PTPRT: variants seen among roughly 807,000 people sequenced by gnomAD.
PTPRT encodes the protein receptor-type tyrosine-protein phosphatase T.
In PTPRT, 56 loss-of-function variants were observed where a neutral mutation model predicts 176.8. The observed-to-expected ratio is 0.32, with a 90% CI of 0.26 to 0.40. PTPRT has a LOEUF of 0.40. PTPRT is among the 10% of genes least tolerant of loss of function. PTPRT has a pLI of 1.00. For missense variants in PTPRT, 1,540 were observed against 1,908.2 expected, an observed-to-expected ratio of 0.81 and a Z score of 3.60; for synonymous variants, 783 against 739.0, an observed-to-expected ratio of 1.06 and a Z score of -0.96.
At chr20:42,980,592 T>G (rs1014683134) in intron 1 of PTPRT, among the ~76,000 whole-genome samples, 1 of 152,196 alleles carries the variant, frequency 6.6e-6, no homozygotes, top group African/African-American at 2.4e-5. Flanking sequence ...CCCCCCACCC[T>G]ACTGCAGCCT....
chr20:42,962,552 C>T (rs749511338), intron 1 of PTPRT, among the ~76,000 whole-genome samples: 47 of 152,088 alleles, frequency 3.1e-4, no homozygotes, highest in Admixed American at 1.6e-3. Context: ...AAAAACAAGA[C>T]ATTTACATGG....
At chr20:42,933,961 G>A (rs1980022756) in intron 1 of PTPRT, among the ~76,000 whole-genome samples, 1 of 152,168 alleles carries the variant, frequency 6.6e-6, no homozygotes. Context: ...ATTTTTCAGA[G>A]AATATGATTC....
At chr20:42,133,895 T>G (rs148746415) in intron 18 of PTPRT, among the ~76,000 whole-genome samples, 1,974 of 152,270 alleles carry the variant, frequency 0.013, 15 homozygotes, top group Non-Finnish European at 0.019. Context: ...GCTTAATAAA[T>G]GATGGTTTTG....
chr20:42,262,126 C>A (rs2056760082), intron 13 of PTPRT, among the ~76,000 whole-genome samples: 1 of 152,218 alleles, frequency 6.6e-6, no homozygotes, highest in Admixed American at 6.5e-5. Context: ...CCAGCCAAAT[C>A]CACCATGAAC....
chr20:42,505,934 G>A (rs1362229179), intron 7 of PTPRT, among the ~76,000 whole-genome samples: 2 of 152,234 alleles, frequency 1.3e-5, no homozygotes, highest in Admixed American at 6.5e-5. Flanking sequence ...TCAGCTCCAC[G>A]AAAGGTTGAG....
At chr20:42,340,759 A>G (rs1315644241) in intron 11 of PTPRT, among the ~76,000 whole-genome samples, 1 of 151,938 alleles carries the variant, frequency 6.6e-6, no homozygotes, top group Non-Finnish European at 1.5e-5. Flanking sequence ...GCCATCGGTT[A>G]TCAGCTGTGC....
the PTPRT span, among the ~76,000 whole-genome samples, chr20:42,055,806 C>T: frequency 6.6e-6 from 1 of 152,146 alleles, no homozygotes; most frequent in Non-Finnish European, 1.5e-5. Flanking sequence ...CCTGGAAACT[C>T]CAACTGGTCT....
intron 6 of PTPRT, among the ~76,000 whole-genome samples, chr20:42,718,185 T>C (rs943972740): frequency 7.2e-5 from 11 of 152,218 alleles, no homozygotes; most frequent in Non-Finnish European, 1.5e-4. Context: ...AACTCAGATG[T>C]CTGTAAGCAG....
chr20:42,761,335 G>A (rs551796201), intron 5 of PTPRT, among the ~76,000 whole-genome samples: 5 of 152,086 alleles, frequency 3.3e-5, no homozygotes, highest in Admixed American at 6.5e-5. Context: ...TCGGGAGGCC[G>A]AGGAAGGAGA....
chr20:42,814,810 A>G (rs1216787231), intron 2 of PTPRT, among the ~76,000 whole-genome samples: 10 of 152,152 alleles, frequency 6.6e-5, no homozygotes, highest in Admixed American at 5.2e-4. Flanking sequence ...GGTTTTTTCA[A>G]TCAGAAGGCC....
rs761289845 is a variant in PTPRT, at chr20:42,867,390, ATTTT to A, written c.214+18413_214+18416del. ...TTTCTTCTATGTGAAAAGAACACAGATTTTTTTTTTTTTTTTTTTTTTTTTTTAC... is the reference window on the plus strand; with the variant it reads ...TTTCTTCTATGTGAAAAGAACACAGATTTTTTTTTTTTTTTTTTTTTTTAC... On this transcript the variant is annotated intron_variant, in intron 2 of 30. Transcript: ENST00000373187. Among the ~76,000 whole-genome samples, 305 of 102,184 alleles carry A rather than the reference ATTTT, an allele frequency of 3.0e-3. 3 individuals are homozygous for A. Among genetic ancestry groups the A allele is most frequent in the African/African-American group, 0.011 (268 of 24,334 alleles). 67.0% of individuals were successfully genotyped at this position (102,184 alleles called of 152,430 possible).
intron 16 of PTPRT, among the ~76,000 whole-genome samples, chr20:42,188,760 T>G (rs535607510): frequency 6.6e-6 from 1 of 152,170 alleles, no homozygotes; most frequent in Admixed American, 6.5e-5. Context: ...AGACCACCTG[T>G]GAGGTGTAGA....
intron 1 of PTPRT, among the ~76,000 whole-genome samples, chr20:43,056,578 T>C (rs537669112): frequency 1.3e-5 from 2 of 152,334 alleles, no homozygotes; most frequent in East Asian, 3.9e-4. Context: ...TATAAAATTT[T>C]ATTGCGTGAA....
chr20:42,343,216 C>T (rs1056494762), intron 11 of PTPRT, among the ~76,000 whole-genome samples: 1 of 152,128 alleles, frequency 6.6e-6, no homozygotes, highest in African/African-American at 2.4e-5. Flanking sequence ...CCTAACTCCC[C>T]CATTCAGTTC....
intron 2 of PTPRT, among the ~76,000 whole-genome samples, chr20:42,865,211 T>C (rs1568644767): frequency 6.6e-6 from 1 of 152,188 alleles, no homozygotes; most frequent in Non-Finnish European, 1.5e-5. Flanking sequence ...GAGTATTACC[T>C]AATCAGGGCT....
intron 7 of PTPRT, among the ~76,000 whole-genome samples, chr20:42,476,003 A>C (rs1477881470): frequency 2.6e-5 from 4 of 152,086 alleles, no homozygotes; most frequent in Non-Finnish European, 4.4e-5. Context: ...AGACTCTGGC[A>C]CTCACTATCT....
chr20:43,000,969 C>T (rs1275855812), intron 1 of PTPRT, among the ~76,000 whole-genome samples: 1 of 152,162 alleles, frequency 6.6e-6, no homozygotes, highest in Non-Finnish European at 1.5e-5. Context: ...CATTCAAACA[C>T]TTGGTCACCT....
the PTPRT span, among the ~76,000 whole-genome samples, chr20:42,060,218 C>T: frequency 6.6e-6 from 1 of 152,174 alleles, no homozygotes; most frequent in Non-Finnish European, 1.5e-5. Context: ...CAGGTTTCCT[C>T]ATTCCTGGGT....
At chr20:42,578,452 T>C (rs2073304191) in intron 7 of PTPRT, among the ~76,000 whole-genome samples, 1 of 152,158 alleles carries the variant, frequency 6.6e-6, no homozygotes, top group South Asian at 2.1e-4. Flanking sequence ...CACTGTCTCA[T>C]GTTGTCTAAT....
Sources: gnomAD v4.1 joint callset for allele counts (sites outside exome capture counted in the v4.1 genomes callset) on GRCh38, gnomAD v4.1.1 for gene constraint, MANE v1.5 for transcripts, NCBI Gene and HGNC (gene_info 2026-07-23, HGNC 2026-07-21) for gene names.